The following MXD4 variants were observed in gnomAD, a reference collection of about 807,000 sequenced individuals.
MXD4 encodes Mad4 homolog.
In MXD4, 16 loss-of-function variants were observed where a neutral mutation model predicts 24.5. That is an observed-to-expected ratio of 0.65 (90% CI 0.44 to 0.99). The LOEUF is 0.99. Among genes scored for constraint, MXD4 ranks in the 50% least tolerant of loss-of-function variants. MXD4 has a pLI of 0.00. For missense variants in MXD4, 301 were observed against 301.5 expected, an observed-to-expected ratio of 1.00 and a Z score of 0.01; for synonymous variants, 164 against 134.2, an observed-to-expected ratio of 1.22 and a Z score of -1.54.
chr4:2,257,086 TG>T (rs1735446514), intron 3 of MXD4, among the ~76,000 whole-genome samples: 1 of 152,190 alleles, frequency 6.6e-6, no homozygotes, highest in South Asian at 2.1e-4. Flanking sequence ...GTTCTGTCCC[TG>T]CCCAGCTGCC....
intron 2 of MXD4, chr4:2,258,835 G>C (rs1016430722): frequency 2.2e-6 from 1 of 449,214 alleles, no homozygotes; most frequent in Non-Finnish European, 4.5e-6. Flanking sequence ...GGCTGCCCTG[G>C]AGGCCCGGGC....
intron 3 of MXD4, 69 bp downstream of exon 3, chr4:2,257,913 C>T: frequency 1.3e-6 from 2 of 1,599,478 alleles, no homozygotes; most frequent in Non-Finnish European, 1.7e-6. Flanking sequence ...AGGCTCAACG[C>T]ACCACACACC....
Position 2,260,660 on chromosome 4 carries a change from C to A in MXD4, c.164+1065G>T, listed in dbSNP as rs1735521174. The stretch of plus-strand genomic sequence containing the variant: ...AGGGGCTGGGACTCAGGGACGGGTC[C>A]CAGCCAGGGCAGCTGGAGACTCAAC... On this transcript the variant is annotated intron_variant, in intron 2 of 5. Coordinates refer to ENST00000337190, the MANE Select transcript of MXD4 (RefSeq NM_006454.3). The A allele has an allele frequency of 6.8e-6, 3 of 441,050 alleles. No homozygotes were observed. In the Admixed American group the frequency reaches 7.5e-5, roughly 11 times the overall value. 27.3% of individuals were successfully genotyped at this position (441,050 alleles called of 1,614,324 possible).
At position 2,251,100 on chromosome 4, in the gene MXD4, C is replaced by A; in HGVS notation, c.456G>T (p.Thr152=). 6.3e-7 allele frequency: 1 copy of A among 1,580,116 alleles called. No individual in the cohort carries two copies. The highest frequency in any genetic ancestry group is 2.0e-4 in the Middle Eastern group (1 of 4,936). Residue 152 remains threonine, a synonymous_variant, in exon 5 of 6, where the codon ACG becomes ACT. Coordinates refer to ENST00000337190, the MANE Select transcript of MXD4 (RefSeq NM_006454.3). ...RTDSTGSAVS[T]DDSEQEVDIE... ...ACGCCCCACCTTGCTCTGAGTCGTCCGTGGAGACAGCAGAGCCCGTGCTAT... is the reference window on the plus strand; with the variant it reads ...ACGCCCCACCTTGCTCTGAGTCGTCAGTGGAGACAGCAGAGCCCGTGCTAT...
chr4:2,261,024 C>T (rs1027150508), intron 2 of MXD4, among the ~76,000 whole-genome samples: 1 of 152,222 alleles, frequency 6.6e-6, no homozygotes, highest in Non-Finnish European at 1.5e-5. Context: ...CAGCTGGCAC[C>T]CGTAGTAACG....
chr4:2,261,224 C>G (rs1735535654), intron 2 of MXD4, among the ~76,000 whole-genome samples: 1 of 152,246 alleles, frequency 6.6e-6, no homozygotes, highest in Non-Finnish European at 1.5e-5. Flanking sequence ...TCTGTCTAGG[C>G]TCCTGGGGGC....
intron 3 of MXD4, among the ~76,000 whole-genome samples, chr4:2,257,442 A>G (rs1203317324): frequency 6.6e-6 from 1 of 152,138 alleles, no homozygotes; most frequent in East Asian, 1.9e-4. Context: ...CATCCCCACC[A>G]GCAGAGCTGA....
intron 2 of MXD4, 27 bp from the exon 3 acceptor site, chr4:2,258,038 C>T: frequency 6.2e-7 from 1 of 1,613,282 alleles, no homozygotes; most frequent in Non-Finnish European, 8.5e-7. Context: ...AAAGACAGAG[C>T]TCACTCTTCT....
chr4:2,261,618 G>C lies in MXD4; in HGVS notation c.164+107C>G, dbSNP rs1577826131. 5.6e-6 allele frequency: 3 copies of C among 538,692 alleles called. No individual in the cohort carries two copies. The East Asian group carries it at 2.6e-4, about 46-fold the overall frequency. 33.4% of individuals were successfully genotyped at this position (538,692 alleles called of 1,614,324 possible). Reference sequence around the variant, plus strand: ...CAGGCTGGCCGCCGGGGCGCGCGGCGGCGGCGCTGAGGGCCGCGGGCCGGG... The same window carrying C: ...CAGGCTGGCCGCCGGGGCGCGCGGCCGCGGCGCTGAGGGCCGCGGGCCGGG... On this transcript the variant is annotated intron_variant, in intron 2 of 5. Transcript: ENST00000337190.
At chr4:2,256,751 G>C (rs1294063279) in intron 3 of MXD4, among the ~76,000 whole-genome samples, 1 of 152,154 alleles carries the variant, frequency 6.6e-6, no homozygotes, top group African/African-American at 2.4e-5. Flanking sequence ...TCAAAGGGCA[G>C]CTGCAGGGGT....
intron 2 of MXD4, chr4:2,259,137 C>A (rs1221124154): frequency 2.9e-6 from 1 of 342,172 alleles, no homozygotes; most frequent in Admixed American, 3.8e-5. Context: ...GCCCTCAGGA[C>A]CTGGCTCCTT....
At chr4:2,259,496 C>T (rs921937286) in intron 2 of MXD4, among the ~76,000 whole-genome samples, 4 of 152,262 alleles carry the variant, frequency 2.6e-5, no homozygotes, top group East Asian at 1.9e-4. Flanking sequence ...ATGAGCCGTA[C>T]TCTCTGTCCT....
intron 2 of MXD4, chr4:2,260,603 G>A (rs1460806019): frequency 1.1e-5 from 5 of 455,296 alleles, no homozygotes; most frequent in East Asian, 7.0e-5. Flanking sequence ...TCACACTCCT[G>A]TCCTTCCCCA....
chr4:2,261,611 G>A, intron 2 of MXD4, 114 bp downstream of exon 2: 2 of 445,544 alleles, frequency 4.5e-6, no homozygotes, highest in Non-Finnish European at 6.1e-6. Flanking sequence ...CCGCCGGGGC[G>A]CGCGGCGGCG....
At chr4:2,260,223 C>G (rs932383301) in intron 2 of MXD4, among the ~76,000 whole-genome samples, 2 of 152,354 alleles carry the variant, frequency 1.3e-5, no homozygotes, top group Middle Eastern at 3.4e-3. Flanking sequence ...CCCCCATGGT[C>G]TCTGTCCCAG....
chr4:2,257,664 T>C (rs1187228508), intron 3 of MXD4, among the ~76,000 whole-genome samples: 2 of 152,246 alleles, frequency 1.3e-5, no homozygotes, highest in East Asian at 1.9e-4. Context: ...ACCCTCCTGA[T>C]TGGAGACCAC....
intron 4 of MXD4, 83 bp from the exon 5 acceptor site, chr4:2,251,329 T>G: frequency 2.1e-6 from 3 of 1,432,496 alleles, no homozygotes; most frequent in Non-Finnish European, 1.9e-6. Context: ...CACCCAGGCC[T>G]GGGCCCGGGA....
At chr4:2,252,341 C>T (rs1410572201) in intron 4 of MXD4, 67 bp downstream of exon 4, 9 of 1,301,648 alleles carry the variant, frequency 6.9e-6, no homozygotes, top group East Asian at 6.9e-5. Context: ...CTGTGAGCAC[C>T]CCCCCAGGGC....
chr4:2,261,991 G>A lies in MXD4; in HGVS notation c.-11C>T, dbSNP rs1225640992. ...GGAGTTCAGCTCCATCCTCCCGCCCGCGCCCGTCCGCCCCGGGACGGCGGC... is the reference window on the plus strand; with the variant it reads ...GGAGTTCAGCTCCATCCTCCCGCCCACGCCCGTCCGCCCCGGGACGGCGGC... On this transcript the variant is annotated 5_prime_UTR_variant, in exon 1 of 6. Coordinates refer to ENST00000337190, the MANE Select transcript of MXD4 (RefSeq NM_006454.3). The A allele has an allele frequency of 7.7e-7, 1 of 1,304,774 alleles. No homozygotes were observed. Among genetic ancestry groups the A allele is most frequent in the Non-Finnish European group, 9.8e-7 (1 of 1,019,030 alleles). The allele number at this position is 1,304,774 out of a possible 1,614,324, so 80.8% of individuals were successfully genotyped here.
Sources: allele counts gnomAD v4.1 joint callset (sites outside exome capture counted in the v4.1 genomes callset), GRCh38; gene constraint gnomAD v4.1.1; transcripts MANE v1.5; gene names NCBI Gene and HGNC (gene_info 2026-07-23, HGNC 2026-07-21).